The following KIF21B variants were observed in gnomAD, a reference collection of about 807,000 sequenced individuals.
KIF21B encodes the protein kinesin family member 21B, also known as kinesin-like protein KIF21B.
KIF21B carries 85 observed loss-of-function variants against 192.9 expected under a neutral mutation model. That is an observed-to-expected ratio of 0.44 (90% CI 0.37 to 0.53). The LOEUF is 0.53. Among genes scored for constraint, KIF21B ranks in the 20% least tolerant of loss-of-function variants. KIF21B has a pLI of 0.00. For synonymous variants in KIF21B, 832 were observed against 884.6 expected (o/e 0.94, Z 1.05); for missense variants, 1,716 against 2,194.8 (o/e 0.78, Z 4.36).
intron 1 of KIF21B, among the ~76,000 whole-genome samples, chr1:201,011,847 T>C (rs1032247611): frequency 6.6e-6 from 1 of 152,232 alleles, no homozygotes; most frequent in African/African-American, 2.4e-5. Flanking sequence ...ATTTAATTAC[T>C]GTAGGCAGAT....
rs1327956339 is a variant in KIF21B, at chr1:201,010,324, G to GC, written c.42-837dup. 3.3e-5 allele frequency among the ~76,000 whole-genome samples: 5 copies of GC among 152,268 alleles called. No individual in the cohort carries two copies. The East Asian group carries it at 9.7e-4, about 30-fold the overall frequency. On this transcript the variant is annotated intron_variant, in intron 1 of 34. Transcript: ENST00000461742. Reference sequence around the variant, plus strand: ...GACCTCTAGAAAGGACGCCAGGCCAGCCTGGGGTGCGCTCCCAACCCAGAT... The same window carrying GC: ...GACCTCTAGAAAGGACGCCAGGCCAGCCCTGGGGTGCGCTCCCAACCCAGAT...
rs562075677 is a variant in KIF21B, at chr1:200,997,288, T to A, written c.2078-893A>T. On this transcript the variant is annotated intron_variant, in intron 14 of 34. Transcript: ENST00000461742. ...TCTCACTGTGCTCTAACCATCCTGGTCCCCTTATCGTTCTGCCAAAATGCC... is the reference window on the plus strand; with the variant it reads ...TCTCACTGTGCTCTAACCATCCTGGACCCCTTATCGTTCTGCCAAAATGCC... Among the ~76,000 whole-genome samples the A allele has an allele frequency of 5.3e-5, 8 of 152,304 alleles. No individual in the cohort carries two copies. In the South Asian group the frequency reaches 1.7e-3, roughly 32 times the overall value.
Position 201,009,343 on chromosome 1 carries a change from T to C in KIF21B, c.187A>G (p.Ile63Val). The C allele has an allele frequency of 6.2e-7, 1 of 1,614,268 alleles. No individual in the cohort carries two copies. Among genetic ancestry groups the C allele is most frequent in the South Asian group, 1.1e-5 (1 of 91,092 alleles). ...AGCTTGCTCACACAGGTGGAATAGA[T>C]CTGTTCTTGCCAGGTGTCCAGGTCG... The part of the protein sequence containing the change: ...VFDLDTWQEQ[I>V]YSTCVSKLIE... Residue 63 changes from isoleucine (I) to valine (V), a missense_variant, in exon 2 of 35, where the codon ATC (isoleucine) becomes GTC (valine). Transcript: ENST00000461742.
At position 200,984,899 on chromosome 1, in the gene KIF21B, G is replaced by A. The variant is rs762225525; in HGVS notation, c.3763C>T (p.Arg1255Cys). The change falls in exon 27 of 35, where the codon CGT becomes TGT. Residue 1255 changes from arginine to cysteine, a missense_variant. By Grantham distance (180) the Arg-to-Cys change is radical (BLOSUM62 -3). Transcript: ENST00000461742. ...CCCTGGCTCTGATTACTGGTGAGACGAGAGAAGACATTGCGGTCATTGCGG... is the reference window on the plus strand; with the variant it reads ...CCCTGGCTCTGATTACTGGTGAGACAAGAGAAGACATTGCGGTCATTGCGG... ...RPRNDRNVFSRLTSNQSQGSA... is the reference protein window; with the variant it reads ...RPRNDRNVFSCLTSNQSQGSA... 2.5e-6 allele frequency: 4 copies of A among 1,606,864 alleles called. No individual in the cohort carries two copies. The highest frequency in any genetic ancestry group is 4.6e-5 in the East Asian group (2 of 43,780).
In KIF21B at chr1:200,999,404, CTCA is replaced by C; in HGVS notation, c.1827_1829del (p.Asp609del). 6.2e-7 allele frequency: 1 copy of C among 1,614,180 alleles called. No individual in the cohort carries two copies. Among genetic ancestry groups the C allele is most frequent in the Non-Finnish European group, 8.5e-7 (1 of 1,180,028 alleles). On this transcript the variant is annotated inframe_deletion, in exon 13 of 35. Transcript: ENST00000461742. This position sits in a 1 kb window ranked among gnomAD's most constrained non-coding sequence, Gnocchi z 4.7. ...CCAGGCTCTCTTCACTGCCCGAGTC[CTCA>C]TCTTCATCCTCGCGCCCTTCCTCCT...
chr1:201,008,639 G>A (rs1038266510), intron 3 of KIF21B, 130 bp downstream of exon 3: 4 of 857,632 alleles, frequency 4.7e-6, no homozygotes, highest in African/African-American at 3.4e-5. Context: ...TTCAATAGCA[G>A]GGAACTCATC....
Position 200,987,004 on chromosome 1 carries a change from G to A in KIF21B, c.3606C>T (p.Gly1202=). Residue 1202 remains glycine (G), a synonymous_variant, in exon 25 of 35, where the codon GGC becomes GGT. Transcript: ENST00000461742. The stretch of plus-strand genomic sequence containing the variant: ...CCTGCTCCCATCCTTACAAAGTGCT[G>A]CCCCGGGTAGGCAGACTGACGGTGC... ...VSRTVSLPTR[G]STFPRQSRAT... The A allele has an allele frequency of 1.2e-6, 2 of 1,614,038 alleles. No individual in the cohort carries two copies. The highest frequency in any genetic ancestry group is 2.2e-5 in the South Asian group (2 of 91,072).
intron 32 of KIF21B, 125 bp downstream of exon 32, chr1:200,976,651 G>C (rs979070004): frequency 7.1e-6 from 4 of 559,760 alleles, no homozygotes; most frequent in African/African-American, 1.9e-5. Context: ...CTTCTTTGGG[G>C]TGATTTCTTC....
chr1:201,019,808 C>G (rs1466165836), intron 1 of KIF21B, among the ~76,000 whole-genome samples: 1 of 152,160 alleles, frequency 6.6e-6, no homozygotes, highest in South Asian at 2.1e-4. Context: ...TTGGCATTGA[C>G]TGGCTTTGGG....
chr1:200,977,735 A>AT (rs56046486), intron 30 of KIF21B, among the ~76,000 whole-genome samples: 38,110 of 141,790 alleles, frequency 0.27, 6,069 homozygotes, highest in African/African-American at 0.46. Flanking sequence ...TCTGTTTACT[A>AT]TTTTTTTTTT....
chr1:200,993,434 C>T (rs1656835753), intron 15 of KIF21B, among the ~76,000 whole-genome samples: 4 of 152,140 alleles, frequency 2.6e-5, no homozygotes, highest in Admixed American at 2.6e-4. Context: ...CCTGTCCTGC[C>T]CTCAAAACAG....
At chr1:200,995,425 G>A (rs1656990025) in intron 15 of KIF21B, among the ~76,000 whole-genome samples, 1 of 152,200 alleles carries the variant, frequency 6.6e-6, no homozygotes, top group African/African-American at 2.4e-5. Flanking sequence ...GGACTGAAAG[G>A]GAGCATGGAT....
At chr1:200,976,503 T>C (rs928826990) in intron 32 of KIF21B, among the ~76,000 whole-genome samples, 3 of 152,268 alleles carry the variant, frequency 2.0e-5, no homozygotes, top group East Asian at 3.8e-4. Flanking sequence ...ATCATTTTAA[T>C]AGCTGCAATG....
At position 200,976,881 on chromosome 1, in the gene KIF21B, G is replaced by A. The variant is rs61743690; in HGVS notation, c.4338C>T (p.Val1446=). 36 of 1,608,710 alleles carry A rather than the reference G, an allele frequency of 2.2e-5. No homozygotes were observed. The East Asian group carries it at 6.0e-4, about 27-fold the overall frequency. The part of the protein sequence containing the change: ...RIWELSRFQP[V]GKLTGHIGPV... ...GGCCGATGTGGCCAGTCAGCTTGCC[G>A]ACAGGCTGGAACCTGCAGTGGGAAG... The change falls in exon 32 of 35, where the codon GTC becomes GTT. Residue 1446 remains valine (V), a synonymous_variant. Transcript: ENST00000461742.
intron 1 of KIF21B, among the ~76,000 whole-genome samples, chr1:201,010,890 G>T (rs951869275): frequency 5.3e-5 from 8 of 152,208 alleles, no homozygotes; most frequent in African/African-American, 1.9e-4. Flanking sequence ...AGTTAAAGGG[G>T]ACTGGGGAGG....
Position 200,998,485 on chromosome 1 carries a change from C to A in KIF21B, c.1976G>T (p.Arg659Leu), listed in dbSNP as rs1369385489. Reference protein sequence around the residue: ...LIDELENSQRRLQTLKHQYEE... With the variant: ...LIDELENSQRLLQTLKHQYEE... ...ATACTGGTGCTTGAGCGTCTGCAAC[C>A]GCCGCTGGCTGTTCTCCAGCTCGTC... The change falls in exon 14 of 35, where the codon CGG becomes CTG. Residue 659 changes from arginine to leucine, a missense_variant. Around this residue, in one of 3 missense-constraint regions of KIF21B, gnomAD observed 1,087 missense variants for 1,316.6 expected, o/e 0.83. Coordinates refer to ENST00000461742, the MANE Select transcript of KIF21B (RefSeq NM_001252102.2). The surrounding 1 kb of genome is among the most constrained non-coding windows in gnomAD (Gnocchi z 4.3). The A allele has an allele frequency of 6.2e-7, 1 of 1,614,032 alleles. No individual in the cohort carries two copies. The highest frequency in any genetic ancestry group is 2.2e-5 in the East Asian group (1 of 44,870).
intron 27 of KIF21B, among the ~76,000 whole-genome samples, chr1:200,983,426 C>T (rs1399242357): frequency 6.6e-6 from 1 of 152,154 alleles, no homozygotes; most frequent in Non-Finnish European, 1.5e-5. Flanking sequence ...AGCTCTCTGG[C>T]TGCCCCATCG....
Position 201,000,982 on chromosome 1 carries a change from C to T in KIF21B, c.1403-202G>A, listed in dbSNP as rs547427656. On this transcript the variant is annotated intron_variant, in intron 9 of 34. Coordinates refer to ENST00000461742, the MANE Select transcript of KIF21B (RefSeq NM_001252102.2). This position sits in a 1 kb window ranked among gnomAD's most constrained non-coding sequence, Gnocchi z 6.0. ...ATTAGCCGGGCGTGGTGGCGCATGCCTCTAATCCCAGCTACTCGGGACGCT... is the reference window on the plus strand; with the variant it reads ...ATTAGCCGGGCGTGGTGGCGCATGCTTCTAATCCCAGCTACTCGGGACGCT... Among the ~76,000 whole-genome samples the T allele has an allele frequency of 6.6e-6, 1 of 152,230 alleles. No individual in the cohort carries two copies. The highest frequency in any genetic ancestry group is 1.5e-5 in the Non-Finnish European group (1 of 68,004).
rs907355915 is a variant in KIF21B, at chr1:200,974,294, T to C, written c.4814+420A>G. ...AGTCGGAACAAGAAAGAAAGCCATC[T>C]GAGTCGCACCCCATGGGACAGAGGG... is the stretch of plus-strand genomic sequence containing the variant. On this transcript the variant is annotated intron_variant, in intron 34 of 34. Coordinates refer to ENST00000461742, the MANE Select transcript of KIF21B (RefSeq NM_001252102.2). 8 of 1,372,076 alleles carry C rather than the reference T, an allele frequency of 5.8e-6. No homozygotes were observed. In the African/African-American group the frequency reaches 1.2e-4, roughly 20 times the overall value. 85.0% of individuals were successfully genotyped at this position (1,372,076 alleles called of 1,614,324 possible). A position where few individuals can be genotyped will look rare whatever the true frequency, so the allele number is the denominator to read the frequency against.
Sources: allele counts gnomAD v4.1 joint callset (sites outside exome capture counted in the v4.1 genomes callset), GRCh38; gene constraint gnomAD v4.1.1; regional missense constraint gnomAD v4.1.1; non-coding constraint Gnocchi (gnomAD v3.1); transcripts MANE v1.5; gene names NCBI Gene and HGNC (gene_info 2026-07-23, HGNC 2026-07-21).